The following BCAS3 variants were observed in gnomAD, a reference collection of about 807,000 sequenced individuals.
BCAS3 encodes BCAS4/BCAS3 fusion.
BCAS3 carries 53 observed loss-of-function variants against 116.1 expected under a neutral mutation model. That is an observed-to-expected ratio of 0.46 (90% CI 0.37 to 0.57). BCAS3 has a LOEUF of 0.57. BCAS3 is among the 20% of genes least tolerant of loss of function. The pLI, the probability that BCAS3 is intolerant of heterozygous loss-of-function variation, is 0.00. For synonymous variants in BCAS3, 391 were observed against 408.2 expected, an observed-to-expected ratio of 0.96 and a Z score of 0.51; for missense variants, 917 against 1,165.4, an observed-to-expected ratio of 0.79 and a Z score of 3.10.
Position 61,241,001 on chromosome 17 carries a change from G to A in BCAS3, c.2426-127326G>A, listed in dbSNP as rs2047463508. Among the ~76,000 whole-genome samples, 1 of 152,120 alleles carries A rather than the reference G, an allele frequency of 6.6e-6. No individual in the cohort carries two copies. The highest frequency in any genetic ancestry group is 2.4e-5 in the African/African-American group (1 of 41,416). The stretch of plus-strand genomic sequence containing the variant: ...TACTGGGGAGCTTTCTCTTGTTTGG[G>A]CATGACAGGATTTTTGCCATGAGAA... On this transcript the variant is annotated intron_variant, in intron 22 of 23. Coordinates refer to ENST00000407086, the MANE Select transcript of BCAS3 (RefSeq NM_017679.5). This position sits in a 1 kb window ranked among gnomAD's most constrained non-coding sequence, Gnocchi z 4.6.
chr17:60,949,357 A>C (rs543904237), intron 14 of BCAS3, among the ~76,000 whole-genome samples: 1 of 152,122 alleles, frequency 6.6e-6, no homozygotes, highest in East Asian at 1.9e-4. Context: ...TCCTGGGCTC[A>C]AGTGATCCTC....
rs777904187 is a variant in BCAS3 at position 61,392,041 on chromosome 17, A to G, written c.2658A>G (p.Ile886Met). Reference sequence around the variant, plus strand: ...GCTCAGGCTCCACCAGCGGCAGCATACCAAGAAACTTTGATGGCTACCGAT... The same window carrying G: ...GCTCAGGCTCCACCAGCGGCAGCATGCCAAGAAACTTTGATGGCTACCGAT... ...SNSSGSTSGS[I>M]PRNFDGYRSP... is the part of the protein sequence containing the mutation. The change falls in exon 24 of 24, where the codon ATA becomes ATG. Residue 886 changes from isoleucine to methionine, a missense_variant. By Grantham distance (10) the Ile-to-Met change is conservative. Around this residue, in one of 3 missense-constraint regions of BCAS3, gnomAD observed 109 missense variants for 122.8 expected, o/e 0.89. Transcript: ENST00000407086. This position sits in a 1 kb window ranked among gnomAD's most constrained non-coding sequence, Gnocchi z 6.4. The G allele has an allele frequency of 2.2e-5, 35 of 1,613,712 alleles. No homozygotes were observed. The Admixed American group carries it at 5.8e-4, about 27-fold the overall frequency.
intron 22 of BCAS3, among the ~76,000 whole-genome samples, chr17:61,137,295 CT>C (rs2076695337): frequency 6.6e-6 from 1 of 152,194 alleles, no homozygotes. Context: ...GACTCGGCTT[CT>C]GTCTAGTTTC....
At chr17:61,246,930 C>A (rs902158255) in intron 22 of BCAS3, among the ~76,000 whole-genome samples, 2 of 151,642 alleles carry the variant, frequency 1.3e-5, no homozygotes, top group Non-Finnish European at 2.9e-5. Flanking sequence ...TTTGTTTTTT[C>A]ATATAGTTTC....
intron 5 of BCAS3, among the ~76,000 whole-genome samples, chr17:60,730,570 A>G (rs77912482): frequency 0.034 from 5,121 of 152,256 alleles, 240 homozygotes; most frequent in African/African-American, 0.1. Context: ...GCAAAAAACA[A>G]AACAAAACAA....
intron 22 of BCAS3, among the ~76,000 whole-genome samples, chr17:61,290,880 A>T (rs772009742): frequency 2.6e-5 from 4 of 152,068 alleles, no homozygotes; most frequent in Non-Finnish European, 5.9e-5. Flanking sequence ...TCCCGGGTTC[A>T]TGCCATTCTC....
chr17:60,957,034 C>A (rs1364504452), intron 14 of BCAS3, among the ~76,000 whole-genome samples: 4 of 152,164 alleles, frequency 2.6e-5, no homozygotes, highest in Non-Finnish European at 5.9e-5. Context: ...ATATCCTTTG[C>A]ATCTGACAGT....
rs1269119334 is a variant in BCAS3 at position 61,244,895 on chromosome 17, G to A, written c.2426-123432G>A. ...ATAAATAAATAAAAAAGGATATATAGGGAAGGAGCAATTTTTTAAAGATTT... is the reference window on the plus strand; with the variant it reads ...ATAAATAAATAAAAAAGGATATATAAGGAAGGAGCAATTTTTTAAAGATTT... On this transcript the variant is annotated intron_variant, in intron 22 of 23. Coordinates refer to ENST00000407086, the MANE Select transcript of BCAS3 (RefSeq NM_017679.5). This position sits in a 1 kb window ranked among gnomAD's most constrained non-coding sequence, Gnocchi z 4.9. Among the ~76,000 whole-genome samples the A allele has an allele frequency of 6.6e-6, 1 of 152,076 alleles. No homozygotes were observed. The highest frequency in any genetic ancestry group is 1.9e-4 in the East Asian group (1 of 5,190).
At chr17:61,360,345 T>C (rs2058388518) in intron 22 of BCAS3, among the ~76,000 whole-genome samples, 1 of 152,228 alleles carries the variant, frequency 6.6e-6, no homozygotes, top group Non-Finnish European at 1.5e-5. Context: ...CTATCTGGTC[T>C]GATGCTCACA....
rs1462815628 is a variant in BCAS3 at position 60,989,963 on chromosome 17, A to G, written c.1222-8A>G. 1 of 1,607,912 alleles carries G rather than the reference A, an allele frequency of 6.2e-7. No individual in the cohort carries two copies. On this transcript the variant is annotated splice_polypyrimidine_tract_variant and splice_region_variant and intron_variant, in intron 14 of 23. Transcript: ENST00000407086. ...ACATTTTTGTATCTTTTCTTATCTC[A>G]TTTCTAGGTACAGGACATCTGCTTC... is the stretch of plus-strand genomic sequence containing the variant.
At chr17:61,111,603 C>T (rs1198287478) in intron 22 of BCAS3, among the ~76,000 whole-genome samples, 1 of 149,988 alleles carries the variant, frequency 6.7e-6, no homozygotes, top group South Asian at 2.1e-4. Context: ...ACCAAATCTA[C>T]GTCTGATCGG....
intron 22 of BCAS3, among the ~76,000 whole-genome samples, chr17:61,149,580 G>A (rs2077435167): frequency 6.6e-6 from 1 of 152,148 alleles, no homozygotes; most frequent in Admixed American, 6.5e-5. Context: ...AAACATATGA[G>A]AGATTTGTGA....
intron 14 of BCAS3, among the ~76,000 whole-genome samples, chr17:60,958,974 G>C (rs1242821416): frequency 6.6e-6 from 1 of 152,124 alleles, no homozygotes; most frequent in African/African-American, 2.4e-5. Flanking sequence ...AGTTATTAGA[G>C]CACCAAAAGA....
chr17:61,263,425 T>C (rs751539776), intron 22 of BCAS3, among the ~76,000 whole-genome samples: 1 of 152,200 alleles, frequency 6.6e-6, no homozygotes, highest in Non-Finnish European at 1.5e-5. Flanking sequence ...TGTTCCTCCT[T>C]TTGCCCTTCA....
At position 60,956,009 on chromosome 17, in the gene BCAS3, T is replaced by C. The variant is rs1381273947; in HGVS notation, c.1221+8657T>C. ...TCTTCCTCACTGTGCAGTTACTCTT[T>C]TGTACTTATAAAAATTTACAAGGTT... On this transcript the variant is annotated intron_variant, in intron 14 of 23. Transcript: ENST00000407086. The surrounding 1 kb of genome is among the most constrained non-coding windows in gnomAD (Gnocchi z 4.2). Among the ~76,000 whole-genome samples the C allele has an allele frequency of 6.6e-6, 1 of 152,220 alleles. No homozygotes were observed. The highest frequency in any genetic ancestry group is 1.5e-5 in the Non-Finnish European group (1 of 68,032).
At chr17:60,799,524 G>GTTTTTTTTTTTTT (rs869112996) in intron 6 of BCAS3, among the ~76,000 whole-genome samples, 2 of 102,380 alleles carry the variant, frequency 2.0e-5, no homozygotes, top group African/African-American at 7.4e-5. Context: ...ATTAGTGTTT[G>GTTTTTTTTTTTTT]TTTTTTTTTT....
chr17:60,726,595 C>T (rs964294127), intron 5 of BCAS3, among the ~76,000 whole-genome samples: 5 of 151,572 alleles, frequency 3.3e-5, no homozygotes, highest in African/African-American at 4.9e-5. Flanking sequence ...CTGCAAGCTC[C>T]GCCTCGCAGG....
intron 6 of BCAS3, among the ~76,000 whole-genome samples, chr17:60,794,119 A>G (rs2047012456): frequency 1.3e-5 from 2 of 152,140 alleles, no homozygotes; most frequent in South Asian, 4.1e-4. Context: ...GTAAGGTGAT[A>G]CTGCTTTGTG....
In BCAS3 at chr17:61,106,257, C is replaced by T. The variant is rs2074643276; in HGVS notation, c.2425+21693C>T. 6.6e-6 allele frequency among the ~76,000 whole-genome samples: 1 copy of T among 152,136 alleles called. No individual in the cohort carries two copies. The highest frequency in any genetic ancestry group is 6.5e-5 in the Admixed American group (1 of 15,282). On this transcript the variant is annotated intron_variant, in intron 22 of 23. Coordinates refer to ENST00000407086, the MANE Select transcript of BCAS3 (RefSeq NM_017679.5). This position sits in a 1 kb window ranked among gnomAD's most constrained non-coding sequence, Gnocchi z 4.2. ...TATACAGTCATGTATGGCATAGTGA[C>T]CTTTCAGTCAACAGTGGACCTTATA... is the stretch of plus-strand genomic sequence containing the variant.
Sources: gnomAD v4.1 joint callset for allele counts (sites outside exome capture counted in the v4.1 genomes callset) on GRCh38, gnomAD v4.1.1 for gene constraint, gnomAD v4.1.1 regional missense constraint, Gnocchi (gnomAD v3.1) non-coding constraint, MANE v1.5 for transcripts, NCBI Gene and HGNC (gene_info 2026-07-23, HGNC 2026-07-21) for gene names.